PRUNE2: variants seen among roughly 807,000 people sequenced by gnomAD.
PRUNE2 encodes the protein protein prune homolog 2.
PRUNE2 carries 164 observed loss-of-function variants against 252.0 expected under a neutral mutation model. The observed-to-expected ratio is 0.65, with a 90% CI of 0.57 to 0.74. The LOEUF is 0.74. Among genes scored for constraint, PRUNE2 ranks in the 30% least tolerant of loss-of-function variants. The pLI is 0.00. For missense variants in PRUNE2, 3,495 were observed against 3,711.0 expected (o/e 0.94, Z 1.51); for synonymous variants, 1,292 against 1,350.2 (o/e 0.96, Z 0.94).
chr9:76,793,382 G>A (rs1184716832), intron 6 of PRUNE2, among the ~76,000 whole-genome samples: 1 of 152,152 alleles, frequency 6.6e-6, no homozygotes, highest in Non-Finnish European at 1.5e-5. Context: ...GAGGATTGAC[G>A]AACATTTGCC....
chr9:76,876,808 C>A (rs1313468930), intron 1 of PRUNE2, among the ~76,000 whole-genome samples: 1 of 152,170 alleles, frequency 6.6e-6, no homozygotes, highest in East Asian at 1.9e-4. Context: ...TACCCCAGTG[C>A]CTGCCATCTC....
chr9:76,882,504 C>G (rs1247989623), intron 1 of PRUNE2, among the ~76,000 whole-genome samples: 1 of 152,172 alleles, frequency 6.6e-6, no homozygotes, highest in East Asian at 1.9e-4. Context: ...AAGCATGATG[C>G]TGGCATCTGC....
chr9:76,731,820 G>T (rs1009878257), intron 6 of PRUNE2, among the ~76,000 whole-genome samples: 1 of 152,054 alleles, frequency 6.6e-6, no homozygotes, highest in Non-Finnish European at 1.5e-5. Flanking sequence ...TTTACAGTGT[G>T]AACAAACTCA....
intron 5 of PRUNE2, among the ~76,000 whole-genome samples, 181 bp from the exon 6 acceptor site, chr9:76,823,907 A>G (rs997612118): frequency 3.9e-5 from 6 of 152,248 alleles, no homozygotes; most frequent in Admixed American, 3.9e-4. Context: ...CGTCTGCATC[A>G]GTTAGGATCC....
chr9:76,623,650 A>C (rs1712842368), intron 17 of PRUNE2, among the ~76,000 whole-genome samples: 1 of 152,180 alleles, frequency 6.6e-6, no homozygotes, highest in African/African-American at 2.4e-5. Context: ...TCCAGCAGAG[A>C]TGCAAATAAT....
chr9:76,765,673 A>G (rs1185481399), intron 6 of PRUNE2, among the ~76,000 whole-genome samples: 4 of 152,186 alleles, frequency 2.6e-5, no homozygotes, highest in Non-Finnish European at 5.9e-5. Context: ...GAGCCTTCAA[A>G]TGTAGAAGGC....
intron 17 of PRUNE2, among the ~76,000 whole-genome samples, chr9:76,622,600 A>G (rs946463415): frequency 6.6e-6 from 1 of 152,208 alleles, no homozygotes; most frequent in African/African-American, 2.4e-5. Context: ...AATCTGAAAG[A>G]GAACTCTCAC....
intron 6 of PRUNE2, among the ~76,000 whole-genome samples, chr9:76,811,748 T>C (rs2057370791): frequency 6.6e-6 from 1 of 152,214 alleles, no homozygotes; most frequent in South Asian, 2.1e-4. Flanking sequence ...CAAAGGTGAC[T>C]GTGAACTTAA....
chr9:76,838,553 G>A (rs539755576), intron 4 of PRUNE2, among the ~76,000 whole-genome samples: 2 of 151,168 alleles, frequency 1.3e-5, no homozygotes, highest in East Asian at 2.0e-4. Context: ...GCTGAGGCAG[G>A]AGAATTGCTT....
At chr9:76,845,888 T>C (rs17785193) in intron 4 of PRUNE2, among the ~76,000 whole-genome samples, 9,066 of 152,230 alleles carry the variant, frequency 0.06, 300 homozygotes, top group East Asian at 0.15. Context: ...ATTTCTAGCT[T>C]GAAAACCACT....
At position 76,705,770 on chromosome 9, in the gene PRUNE2, C is replaced by G; in HGVS notation, c.6504G>C (p.Leu2168=). Residue 2168 remains leucine, a synonymous_variant, in exon 8 of 19, where the codon CTG becomes CTC. Transcript: ENST00000376718. The stretch of plus-strand genomic sequence containing the variant: ...TGTCTGCTTGATAGCCAATTGGAGG[C>G]AGCACAGTTGCGTTTTCAGAATCGA... ...AELDSENATV[L]PPIGYQADIK... is the part of the protein sequence containing the mutation. 1 of 1,613,910 alleles carries G rather than the reference C, an allele frequency of 6.2e-7. No homozygotes were observed. Among genetic ancestry groups the G allele is most frequent in the Non-Finnish European group, 8.5e-7 (1 of 1,179,894 alleles).
rs1156269452 is a variant in PRUNE2, at chr9:76,702,320, G to C, written c.8276+1017C>G. Among the ~76,000 whole-genome samples the C allele has an allele frequency of 2.0e-5, 3 of 152,034 alleles. No homozygotes were observed. The East Asian group carries it at 5.8e-4, about 29-fold the overall frequency. On this transcript the variant is annotated intron_variant, in intron 9 of 18. Coordinates refer to ENST00000376718, the MANE Select transcript of PRUNE2 (RefSeq NM_015225.3). Reference sequence around the variant, plus strand: ...TGATCCACTCACCTTGGGCTCCCAAGGTGTTGGGATTACAGGTATGAACCA... The same window carrying C: ...TGATCCACTCACCTTGGGCTCCCAACGTGTTGGGATTACAGGTATGAACCA...
At chr9:76,760,063 A>G (rs1036848371) in intron 6 of PRUNE2, 6 of 152,206 alleles carry the variant, frequency 3.9e-5, no homozygotes, top group African/African-American at 1.4e-4. Flanking sequence ...CAATTTAAAT[A>G]AATTAGTTTA....
intron 16 of PRUNE2, chr9:76,624,904 G>C: frequency 1.9e-6 from 1 of 539,724 alleles, no homozygotes; most frequent in Non-Finnish European, 3.2e-6. Context: ...ACTGAAAATG[G>C]CATACAAAAG....
At chr9:76,884,158 G>C (rs1029743149) in intron 1 of PRUNE2, among the ~76,000 whole-genome samples, 2 of 152,072 alleles carry the variant, frequency 1.3e-5, no homozygotes, top group Non-Finnish European at 2.9e-5. Context: ...TGAAAGGCTT[G>C]CACAAAGCAC....
Position 76,637,345 on chromosome 9 carries a change from AG to A in PRUNE2, c.8963+72del, listed in dbSNP as rs911081464. On this transcript the variant is annotated intron_variant, in intron 14 of 18. Transcript: ENST00000376718. Reference sequence around the variant, plus strand: ...TCTTGTGTATAATGAAGATAATAACAGTATACCATGTGGTTGTTTAGTCTTC... The same window carrying A: ...TCTTGTGTATAATGAAGATAATAACATATACCATGTGGTTGTTTAGTCTTC... 41 of 1,407,618 alleles carry A rather than the reference AG, an allele frequency of 2.9e-5. No individual in the cohort carries two copies. In the Admixed American group the frequency reaches 5.4e-4, roughly 18 times the overall value. 87.2% of individuals were successfully genotyped at this position (1,407,618 alleles called of 1,614,324 possible). A position where few individuals can be genotyped will look rare whatever the true frequency, so the allele number is the denominator to read the frequency against.
intron 9 of PRUNE2, among the ~76,000 whole-genome samples, chr9:76,676,096 T>C (rs1009953377): frequency 4.4e-4 from 25 of 57,314 alleles, no homozygotes; most frequent in African/African-American, 1.1e-3. Flanking sequence ...AAAAAACTAA[T>C]AGCCAATATT....
intron 9 of PRUNE2, among the ~76,000 whole-genome samples, chr9:76,671,809 A>G: frequency 6.6e-6 from 1 of 151,192 alleles, no homozygotes; most frequent in Admixed American, 6.6e-5. Flanking sequence ...ACTAAGCTTC[A>G]TAAGTGAAGG....
chr9:76,731,493 GT>G (rs1251009679), intron 6 of PRUNE2, among the ~76,000 whole-genome samples: 7 of 151,586 alleles, frequency 4.6e-5, no homozygotes, highest in South Asian at 2.1e-4. Flanking sequence ...AGCTAATTTT[GT>G]TTTTTTATTT....
Sources: gnomAD v4.1 joint callset for allele counts (sites outside exome capture counted in the v4.1 genomes callset) on GRCh38, gnomAD v4.1.1 for gene constraint, MANE v1.5 for transcripts, NCBI Gene and HGNC (gene_info 2026-07-23, HGNC 2026-07-21) for gene names.